Variants in TOX observed in about 807,000 individuals in gnomAD.
TOX encodes the protein thymocyte selection associated high mobility group box.
A neutral mutation model predicts 53.7 loss-of-function variants in TOX; 11 were observed. The observed-to-expected ratio is 0.20, with a 90% CI of 0.13 to 0.34. The LOEUF (loss-of-function observed/expected upper bound fraction) is 0.34. Among genes scored for constraint, TOX ranks in the 10% least tolerant of loss-of-function variants. The probability of loss-of-function intolerance (pLI) is 1.00; values close to 1 mark genes in which losing one functional copy is unlikely to be tolerated. For synonymous variants in TOX, 225 were observed against 245.3 expected (o/e 0.92, Z 0.77); for missense variants, 570 against 664.6 (o/e 0.86, Z 1.56).
chr8:58,870,920 G>A (rs1417671453), intron 3 of TOX, among the ~76,000 whole-genome samples: 1 of 152,114 alleles, frequency 6.6e-6, no homozygotes, highest in Admixed American at 6.6e-5. Flanking sequence ...CATACAATTA[G>A]CCATCATGCT....
intron 1 of TOX, among the ~76,000 whole-genome samples, chr8:59,054,902 AAAAGAAAGAAAGAG>A (rs769652754): frequency 0.058 from 8,578 of 149,172 alleles, 565 homozygotes; most frequent in East Asian, 0.19. Context: ...GAGAAAGGAA[AAAAGAAAGAAAGAG>A]AAAGAAAGAA....
intron 3 of TOX, among the ~76,000 whole-genome samples, chr8:58,857,063 G>A (rs1046154284): frequency 2.0e-5 from 3 of 152,112 alleles, no homozygotes; most frequent in Non-Finnish European, 4.4e-5. Flanking sequence ...CACCATTATA[G>A]CCCTAGTATC....
intron 3 of TOX, among the ~76,000 whole-genome samples, chr8:58,899,608 T>G (rs529031989): frequency 1.0e-3 from 154 of 152,336 alleles, no homozygotes; most frequent in Middle Eastern, 3.4e-3. Flanking sequence ...CATTTTTTTT[T>G]GAATTTTGGA....
intron 1 of TOX, among the ~76,000 whole-genome samples, chr8:58,991,102 A>G (rs975170727): frequency 6.6e-6 from 1 of 152,236 alleles, no homozygotes; most frequent in African/African-American, 2.4e-5. Context: ...GCTCAAACTC[A>G]GGCAGAAGGT....
chr8:59,100,061 G>A (rs1025199427), intron 1 of TOX, among the ~76,000 whole-genome samples: 3 of 151,732 alleles, frequency 2.0e-5, no homozygotes, highest in South Asian at 2.1e-4. Context: ...ATGCAATTAC[G>A]GAGAAAAGAA....
At chr8:58,826,521 A>C (rs890279199) in intron 6 of TOX, among the ~76,000 whole-genome samples, 1 of 152,298 alleles carries the variant, frequency 6.6e-6, no homozygotes, top group Admixed American at 6.5e-5. Flanking sequence ...AGGCAATTTA[A>C]GAAAGGGATA....
At chr8:58,921,464 C>A (rs1287108729) in intron 3 of TOX, among the ~76,000 whole-genome samples, 1 of 152,132 alleles carries the variant, frequency 6.6e-6, no homozygotes, top group Non-Finnish European at 1.5e-5. Context: ...TATACTCCAC[C>A]AGAAATATTA....
At chr8:58,873,853 G>C (rs1811236273) in intron 3 of TOX, among the ~76,000 whole-genome samples, 1 of 150,154 alleles carries the variant, frequency 6.7e-6, no homozygotes, top group Non-Finnish European at 1.5e-5. Flanking sequence ...ATGAATATTG[G>C]ATATTTCTCC....
intron 6 of TOX, among the ~76,000 whole-genome samples, chr8:58,818,867 G>A (rs147304628): frequency 6.6e-6 from 1 of 152,284 alleles, no homozygotes; most frequent in Non-Finnish European, 1.5e-5. Flanking sequence ...TGCCTCACTG[G>A]TCTTGGGGGA....
chr8:58,812,656 C>T (rs1051989700), intron 7 of TOX, among the ~76,000 whole-genome samples: 9 of 152,098 alleles, frequency 5.9e-5, no homozygotes, highest in African/African-American at 9.7e-5. Context: ...AGGGGACCTT[C>T]GTTATTTGTT....
At chr8:58,918,936 A>C (rs926983479) in intron 3 of TOX, among the ~76,000 whole-genome samples, 4 of 151,862 alleles carry the variant, frequency 2.6e-5, no homozygotes, top group African/African-American at 9.7e-5. Context: ...GCCAAATCAT[A>C]AGTGAACTCC....
At chr8:58,980,360 G>A (rs749662846) in intron 1 of TOX, among the ~76,000 whole-genome samples, 6 of 151,866 alleles carry the variant, frequency 4.0e-5, no homozygotes, top group Non-Finnish European at 5.9e-5. Context: ...TTCTCTCATC[G>A]CCCTGTGGTG....
chr8:58,838,011 TG>T, intron 5 of TOX, 69 bp downstream of exon 5: 1 of 1,452,682 alleles, frequency 6.9e-7, no homozygotes. Flanking sequence ...CCCCAAGCCC[TG>T]GGAGGCCATT....
At chr8:59,063,963 C>T (rs994168988) in intron 1 of TOX, among the ~76,000 whole-genome samples, 67 of 152,002 alleles carry the variant, frequency 4.4e-4, no homozygotes, top group African/African-American at 1.6e-3. Context: ...CTATGCTATA[C>T]CTTCCTCGAG....
intron 1 of TOX, among the ~76,000 whole-genome samples, chr8:59,094,618 T>C (rs1586016255): frequency 1.3e-5 from 2 of 151,862 alleles, no homozygotes; most frequent in African/African-American, 4.8e-5. Context: ...ATGATAATAA[T>C]TGGGTTTGAA....
chr8:58,993,107 G>T (rs142173850), intron 1 of TOX, among the ~76,000 whole-genome samples: 27 of 152,216 alleles, frequency 1.8e-4, no homozygotes, highest in Non-Finnish European at 3.4e-4. Context: ...GAACTAAGCT[G>T]ACAGATTGGA....
In TOX at chr8:59,118,201, G is replaced by A. The variant is rs1208700352; in HGVS notation, c.102+685C>T. 6.6e-6 allele frequency among the ~76,000 whole-genome samples: 1 copy of A among 152,208 alleles called. No individual in the cohort carries two copies. The highest frequency in any genetic ancestry group is 6.5e-5 in the Admixed American group (1 of 15,288). ...CTTTGGACTTGAACGCGACGTGCTC[G>A]CCCGGCTCCCAACAAACTTGCAATT... On this transcript the variant is annotated intron_variant, in intron 1 of 8. Transcript: ENST00000361421. This position sits in a 1 kb window ranked among gnomAD's most constrained non-coding sequence, Gnocchi z 4.1.
intron 1 of TOX, among the ~76,000 whole-genome samples, chr8:59,069,082 A>G (rs1415295760): frequency 2.0e-5 from 3 of 152,212 alleles, no homozygotes; most frequent in Admixed American, 2.0e-4. Flanking sequence ...GAGTTGGGAC[A>G]GCAGTGCTGC....
intron 1 of TOX, among the ~76,000 whole-genome samples, chr8:59,022,922 C>T (rs1814162805): frequency 1.3e-5 from 2 of 152,174 alleles, no homozygotes; most frequent in Non-Finnish European, 2.9e-5. Flanking sequence ...ACCTTCACTA[C>T]TCCAGTGGGA....
Sources: allele counts gnomAD v4.1 joint callset (sites outside exome capture counted in the v4.1 genomes callset), GRCh38; gene constraint gnomAD v4.1.1; non-coding constraint Gnocchi (gnomAD v3.1); transcripts MANE v1.5; gene names NCBI Gene and HGNC (gene_info 2026-07-23, HGNC 2026-07-21).